Variants in KCTD1 observed in about 807,000 individuals in gnomAD.
KCTD1 encodes the protein potassium channel tetramerization domain containing 1, also known as BTB/POZ domain-containing protein KCTD1.
KCTD1 carries 24 observed loss-of-function variants against 66.0 expected under a neutral mutation model. That is an observed-to-expected ratio of 0.36 (90% CI 0.26 to 0.51). KCTD1 has a LOEUF of 0.51. KCTD1 is among the 20% of genes least tolerant of loss of function. The pLI, the probability that KCTD1 is intolerant of heterozygous loss-of-function variation, is 0.95. For synonymous variants in KCTD1, 511 were observed against 517.2 expected (o/e 0.99, Z 0.16); for missense variants, 943 against 1,205.2 (o/e 0.78, Z 3.22).
At chr18:26,531,633 C>T (rs529735173) in intron 1 of KCTD1, among the ~76,000 whole-genome samples, 5 of 152,234 alleles carry the variant, frequency 3.3e-5, no homozygotes, top group African/African-American at 1.2e-4. Context: ...ATTTGATTTG[C>T]AGACATTTTT....
chr18:26,610,605 GGAAGGAAGGAAT>G (rs908600281), intron 1 of KCTD1, among the ~76,000 whole-genome samples: 1 of 146,648 alleles, frequency 6.8e-6, no homozygotes, highest in Non-Finnish European at 1.5e-5. Flanking sequence ...AAGGAAGGAA[GGAAGGAAGGAAT>G]GAAGGAAGGA....
intron 1 of KCTD1, among the ~76,000 whole-genome samples, chr18:26,542,088 C>T (rs919853302): frequency 6.6e-6 from 1 of 152,168 alleles, no homozygotes; most frequent in African/African-American, 2.4e-5. Flanking sequence ...GGACTGAATC[C>T]TGCTCCTCTC....
chr18:26,607,817 G>C (rs1987050746), intron 1 of KCTD1, among the ~76,000 whole-genome samples: 1 of 152,146 alleles, frequency 6.6e-6, no homozygotes, highest in African/African-American at 2.4e-5. Context: ...ATCCAGGCTG[G>C]AGTGCAGTGG....
rs952163965 is a variant in KCTD1, at chr18:26,636,648, G to T, written c.-107+3663C>A. On this transcript the variant is annotated intron_variant, in intron 1 of 5. Coordinates refer to the KCTD1 transcript ENST00000579973. The stretch of plus-strand genomic sequence containing the variant: ...CTTTTGCATCAACGAATACCTGAGC[G>T]TTGGGGTCATTGGATGCCCTCAGGA... 2.6e-5 allele frequency among the ~76,000 whole-genome samples: 4 copies of T among 152,222 alleles called. No individual in the cohort carries two copies. In the South Asian group the frequency reaches 6.2e-4, roughly 24 times the overall value.
At chr18:26,482,749 C>T (rs1016337318) in intron 2 of KCTD1, among the ~76,000 whole-genome samples, 3 of 152,126 alleles carry the variant, frequency 2.0e-5, no homozygotes, top group African/African-American at 4.8e-5. Flanking sequence ...TTCAACTCTC[C>T]CCTGTGGTCC....
chr18:26,610,640 G>C (rs1197303919), intron 1 of KCTD1, among the ~76,000 whole-genome samples: 1 of 150,292 alleles, frequency 6.7e-6, no homozygotes, highest in African/African-American at 2.5e-5. Context: ...GAAGGAGGGA[G>C]GGAGAGAAGG....
At chr18:26,614,316 T>A (rs905407732) in intron 1 of KCTD1, among the ~76,000 whole-genome samples, 1 of 152,226 alleles carries the variant, frequency 6.6e-6, no homozygotes, top group African/African-American at 2.4e-5. Flanking sequence ...ATGATGTGAA[T>A]CACCCCAGCC....
intron 2 of KCTD1, among the ~76,000 whole-genome samples, chr18:26,481,750 G>A (rs1447586931): frequency 6.6e-6 from 1 of 152,162 alleles, no homozygotes; most frequent in African/African-American, 2.4e-5. Context: ...TCTTAACCCT[G>A]GCTACACAGT....
intron 1 of KCTD1, among the ~76,000 whole-genome samples, chr18:26,595,534 G>A (rs571185): frequency 0.21 from 31,325 of 152,084 alleles, 3,389 homozygotes; most frequent in East Asian, 0.34. Flanking sequence ...CCTTCTTGCT[G>A]GCAGAATGGA....
chr18:26,507,158 T>G (rs974183129), intron 1 of KCTD1, among the ~76,000 whole-genome samples: 1 of 152,096 alleles, frequency 6.6e-6, no homozygotes, highest in African/African-American at 2.4e-5. Flanking sequence ...AGAGCAAAAC[T>G]CCGTCTCAAT....
intron 1 of KCTD1, among the ~76,000 whole-genome samples, chr18:26,588,171 A>G (rs1986511833): frequency 6.6e-6 from 1 of 152,210 alleles, no homozygotes; most frequent in South Asian, 2.1e-4. Context: ...GTGCACCTGT[A>G]ATCCCAGTAC....
chr18:26,526,264 A>G (rs1284852863), intron 1 of KCTD1, among the ~76,000 whole-genome samples: 1 of 152,172 alleles, frequency 6.6e-6, no homozygotes, highest in Admixed American at 6.5e-5. Context: ...GAGCAGCAGG[A>G]GGAGGGAAAC....
intron 1 of KCTD1, among the ~76,000 whole-genome samples, chr18:26,585,916 G>A (rs916013519): frequency 1.6e-4 from 25 of 152,162 alleles, no homozygotes; most frequent in African/African-American, 4.6e-4. Context: ...GCTGGGCATG[G>A]TGGTGCATTC....
chr18:26,524,946 T>C (rs562389780), intron 1 of KCTD1, among the ~76,000 whole-genome samples: 29 of 152,304 alleles, frequency 1.9e-4, no homozygotes, highest in African/African-American at 7.0e-4. Context: ...TTGATCTCAC[T>C]GTTTATATGT....
upstream of KCTD1, chr18:26,548,720 G>A: frequency 2.3e-6 from 2 of 881,036 alleles, no homozygotes; most frequent in Non-Finnish European, 2.9e-6. Flanking sequence ...AGGGGATGGA[G>A]GGGAGGGGGG....
intron 1 of KCTD1, among the ~76,000 whole-genome samples, chr18:26,537,673 A>G (rs1421789627): frequency 1.3e-5 from 2 of 152,234 alleles, no homozygotes; most frequent in East Asian, 3.9e-4. Flanking sequence ...ACATCATAAC[A>G]CAGGCTCTAG....
At chr18:26,538,674 T>C (rs1400351889) in intron 1 of KCTD1, among the ~76,000 whole-genome samples, 3 of 152,206 alleles carry the variant, frequency 2.0e-5, no homozygotes, top group Non-Finnish European at 2.9e-5. Flanking sequence ...CAAATATTCA[T>C]ATAGTGCTCA....
At chr18:26,477,573 C>A (rs555422216) in intron 2 of KCTD1, among the ~76,000 whole-genome samples, 1 of 152,224 alleles carries the variant, frequency 6.6e-6, no homozygotes, top group South Asian at 2.1e-4. Flanking sequence ...TGATTTGGAA[C>A]AATATCATTT....
intron 2 of KCTD1, among the ~76,000 whole-genome samples, chr18:26,485,608 C>G (rs984939370): frequency 6.6e-6 from 1 of 152,164 alleles, no homozygotes; most frequent in Non-Finnish European, 1.5e-5. Context: ...ATCAGATCAT[C>G]ATAACCTCCC....
Sources: gnomAD v4.1 joint callset for allele counts (sites outside exome capture counted in the v4.1 genomes callset) on GRCh38, gnomAD v4.1.1 for gene constraint, MANE v1.5 for transcripts, NCBI Gene and HGNC (gene_info 2026-07-23, HGNC 2026-07-21) for gene names.